The following FER1L6 variants were observed in gnomAD, a reference collection of about 807,000 sequenced individuals.
FER1L6 encodes fer-1-like protein 6.
In FER1L6, 177 loss-of-function variants were observed where a neutral mutation model predicts 219.2. The ratio of observed to expected loss-of-function variants is 0.81; its 90% CI spans 0.71 to 0.91. FER1L6 has a LOEUF of 0.91. Ranked by LOEUF, FER1L6 falls within the 40% of genes least tolerant of loss-of-function variation. The pLI is 0.00. For missense variants in FER1L6, 2,153 were observed against 2,259.9 expected (o/e 0.95, Z 0.96); for synonymous variants, 768 against 824.3 (o/e 0.93, Z 1.17).
chr8:123,959,324 A>G (rs906702400), intron 2 of FER1L6, among the ~76,000 whole-genome samples: 1 of 152,130 alleles, frequency 6.6e-6, no homozygotes, highest in East Asian at 1.9e-4. Context: ...TTGCATATAT[A>G]ACGTGTCTTT....
Position 123,966,065 on chromosome 8 carries a change from A to C in FER1L6, c.252+4A>C, listed in dbSNP as rs748411318. On this transcript the variant is annotated splice_donor_region_variant and intron_variant, in intron 4 of 40. Coordinates refer to ENST00000522917, the MANE Select transcript of FER1L6 (RefSeq NM_001039112.2). ...GGTCAGATCCCAAAATTATCAAGTA[A>C]GTGATTGGCTCTTCCTGCCCAGCCT... 6.2e-7 allele frequency: 1 copy of C among 1,613,760 alleles called. No individual in the cohort carries two copies. The highest frequency in any genetic ancestry group is 1.1e-5 in the South Asian group (1 of 91,012).
At chr8:123,986,310 T>G (rs1816584442) in intron 12 of FER1L6, 134 bp downstream of exon 12, 1 of 592,138 alleles carries the variant, frequency 1.7e-6, no homozygotes, top group Admixed American at 3.2e-5. Flanking sequence ...AGATGAACAA[T>G]TCCTTGTCTA....
At chr8:123,858,140 A>G (rs972694122) in intron 1 of FER1L6, among the ~76,000 whole-genome samples, 1 of 152,152 alleles carries the variant, frequency 6.6e-6, no homozygotes, top group Non-Finnish European at 1.5e-5. Context: ...GGGTTCTCCT[A>G]CTTTAACCAG....
intron 32 of FER1L6, among the ~76,000 whole-genome samples, chr8:124,077,905 G>A (rs571219036): frequency 2.6e-5 from 4 of 152,288 alleles, no homozygotes; most frequent in South Asian, 4.2e-4. Context: ...CAGGGTCTGC[G>A]GAATCCTTCC....
chr8:124,109,538 C>A (rs1360332816), intron 39 of FER1L6, among the ~76,000 whole-genome samples: 1 of 152,136 alleles, frequency 6.6e-6, no homozygotes, highest in Non-Finnish European at 1.5e-5. Context: ...AAGAGAAAGG[C>A]CTTACCGAGG....
intron 1 of FER1L6, among the ~76,000 whole-genome samples, chr8:123,909,759 TTGTCAACTAGGGGATGATGTAGCTGTCC>T (rs2129764365): frequency 1.3e-4 from 1 of 7,714 alleles, no homozygotes; most frequent in South Asian, 8.9e-3. Flanking sequence ...ATAGCTGTCC[TTGTCAACTAGGGGATGATGTAGCTGTCC>T]TTGTCAACTA....
chr8:124,068,816 C>T (rs890617199), intron 28 of FER1L6, among the ~76,000 whole-genome samples: 6 of 152,056 alleles, frequency 3.9e-5, no homozygotes, highest in Non-Finnish European at 7.4e-5. Flanking sequence ...GATCCACTGA[C>T]GCTGGATTTA....
At chr8:123,921,347 T>C (rs767793902) in intron 1 of FER1L6, among the ~76,000 whole-genome samples, 29 of 152,128 alleles carry the variant, frequency 1.9e-4, no homozygotes, top group Non-Finnish European at 4.3e-4. Flanking sequence ...TTGTCACCAC[T>C]TGTTATTTTC....
rs190290680 is a variant in FER1L6, at chr8:123,899,868, T to C, written c.-8+47683T>C. On this transcript the variant is annotated intron_variant, in intron 1 of 40. Transcript: ENST00000522917. ...CCATTGGTCTATGTGCCTATTTTTA[T>C]ACCAGTACTATGCTGTTTGGATGAC... 7.6e-4 allele frequency among the ~76,000 whole-genome samples: 116 copies of C among 152,354 alleles called. 1 individual carries two copies. Among genetic ancestry groups the C allele is most frequent in the Middle Eastern group, 3.4e-3 (1 of 294 alleles).
intron 1 of FER1L6, among the ~76,000 whole-genome samples, chr8:123,861,498 GT>G (rs1243582205): frequency 3.8e-4 from 49 of 128,288 alleles, no homozygotes; most frequent in African/African-American, 1.6e-3. Flanking sequence ...CTTTAAAGTA[GT>G]TTTTTCCAAT....
intron 12 of FER1L6, among the ~76,000 whole-genome samples, chr8:123,997,414 T>A (rs755769041): frequency 5.9e-5 from 9 of 152,216 alleles, no homozygotes; most frequent in Non-Finnish European, 1.2e-4. Context: ...GTATGTTATT[T>A]CTTTTCTCTT....
At chr8:123,960,099 G>T (rs770453199) in intron 2 of FER1L6, among the ~76,000 whole-genome samples, 20 of 152,162 alleles carry the variant, frequency 1.3e-4, no homozygotes, top group Non-Finnish European at 2.5e-4. Context: ...TAACCTGTAG[G>T]GGGGTAAATG....
intron 1 of FER1L6, among the ~76,000 whole-genome samples, chr8:123,939,906 A>G (rs1351799506): frequency 6.6e-6 from 1 of 152,218 alleles, no homozygotes; most frequent in Non-Finnish European, 1.5e-5. Context: ...TCTTCCTCAC[A>G]TAGCTACAAA....
At chr8:123,963,549 C>T in intron 3 of FER1L6, 151 bp downstream of exon 3, 1 of 794,676 alleles carries the variant, frequency 1.3e-6, no homozygotes, top group Non-Finnish European at 2.0e-6. Context: ...TGTGTCAGCT[C>T]AGTTTTCTCT....
chr8:123,987,237 T>C (rs1816627689), intron 12 of FER1L6, among the ~76,000 whole-genome samples: 1 of 152,234 alleles, frequency 6.6e-6, no homozygotes, highest in Admixed American at 6.5e-5. Context: ...TGATATATCA[T>C]TGAAGTTTGA....
chr8:124,108,569 G>A (rs1298276678), intron 39 of FER1L6, among the ~76,000 whole-genome samples: 2 of 152,102 alleles, frequency 1.3e-5, no homozygotes, highest in Non-Finnish European at 2.9e-5. Flanking sequence ...ATCCTTAGGG[G>A]TTACACTTTT....
At chr8:123,966,316 T>C in intron 5 of FER1L6, 26 bp downstream of exon 5, 1 of 1,613,100 alleles carries the variant, frequency 6.2e-7, no homozygotes, top group Non-Finnish European at 8.5e-7. Context: ...CACCCACAGC[T>C]TTTGCACTAA....
rs775461808 is a variant in FER1L6, at chr8:124,049,682, A to G, written c.2800A>G (p.Arg934Gly). Residue 934 changes from arginine to glycine, a missense_variant, in exon 22 of 41, where the codon AGG (arginine) becomes GGG (glycine). Transcript: ENST00000522917. ...GGCTGACCAGGACTATGAGCCCCCC[A>G]GGTTATGCTATCACCCCATCTTTTG... ...KLADQDYEPP[R>G]LCYHPIFCGN... 7 of 1,614,024 alleles carry G rather than the reference A, an allele frequency of 4.3e-6. No homozygotes were observed. Among genetic ancestry groups the G allele is most frequent in the Middle Eastern group, 1.7e-4 (1 of 6,018 alleles).
Position 123,975,465 on chromosome 8 carries a change from A to G in FER1L6, c.683+159A>G, listed in dbSNP as rs1395707050. The stretch of plus-strand genomic sequence containing the variant: ...TCTATCAGACACCAAGATGTGTCCT[A>G]TTAAGGTATGACTCTCCTTCACGAG... On this transcript the variant is annotated intron_variant, in intron 8 of 40. Transcript: ENST00000522917. Among the ~76,000 whole-genome samples the G allele has an allele frequency of 2.0e-5, 3 of 152,200 alleles. No individual in the cohort carries two copies. In the East Asian group the frequency reaches 5.8e-4, roughly 29 times the overall value.
Sources: gnomAD v4.1 joint callset for allele counts (sites outside exome capture counted in the v4.1 genomes callset) on GRCh38, gnomAD v4.1.1 for gene constraint, MANE v1.5 for transcripts, NCBI Gene and HGNC (gene_info 2026-07-23, HGNC 2026-07-21) for gene names.